MARCHF1: variants seen among roughly 807,000 people sequenced by gnomAD.
MARCHF1 encodes the protein E3 ubiquitin-protein ligase MARCHF1.
Under a neutral mutation model 54.2 loss-of-function variants are expected in MARCHF1, and 40 were observed. The observed-to-expected ratio is 0.74, with a 90% CI of 0.57 to 0.96. MARCHF1 has a LOEUF of 0.96. Among genes scored for constraint, MARCHF1 ranks in the 40% least tolerant of loss-of-function variants. The probability of loss-of-function intolerance (pLI) is 0.00; values close to 1 mark genes in which losing one functional copy is unlikely to be tolerated. For synonymous variants in MARCHF1, 236 were observed against 236.3 expected (o/e 1.00, Z 0.01); for missense variants, 586 against 656.5 (o/e 0.89, Z 1.17).
intron 4 of MARCHF1, among the ~76,000 whole-genome samples, chr4:163,756,002 A>G (rs557816721): frequency 6.6e-6 from 1 of 152,188 alleles, no homozygotes; most frequent in African/African-American, 2.4e-5. Context: ...ATTTTATTCT[A>G]TTATATAATT....
chr4:164,199,338 T>A (rs1004077345), intron 1 of MARCHF1, among the ~76,000 whole-genome samples: 4 of 152,156 alleles, frequency 2.6e-5, no homozygotes, highest in African/African-American at 9.7e-5. Flanking sequence ...TCTACCACAC[T>A]GACATCAAAA....
At chr4:164,135,952 A>C (rs1344814012) in intron 1 of MARCHF1, among the ~76,000 whole-genome samples, 1 of 152,232 alleles carries the variant, frequency 6.6e-6, no homozygotes, top group Admixed American at 6.5e-5. Flanking sequence ...TTTATACTTA[A>C]GCCCTAGAAT....
chr4:164,142,804 G>A (rs1359277225), intron 1 of MARCHF1, among the ~76,000 whole-genome samples: 2 of 152,142 alleles, frequency 1.3e-5, no homozygotes, highest in African/African-American at 4.8e-5. Context: ...CACCAGCAAT[G>A]GAACAAAGCT....
chr4:163,542,136 G>A (rs1247049837), intron 9 of MARCHF1, among the ~76,000 whole-genome samples: 1 of 152,086 alleles, frequency 6.6e-6, no homozygotes, highest in Non-Finnish European at 1.5e-5. Flanking sequence ...TTTAAGAAAC[G>A]GACCCTTGAT....
At chr4:164,012,800 C>A (rs769794931) in intron 2 of MARCHF1, among the ~76,000 whole-genome samples, 1 of 152,178 alleles carries the variant, frequency 6.6e-6, no homozygotes, top group South Asian at 2.1e-4. Context: ...CTATAGGAGG[C>A]GACAGGATTT....
rs771094140 is a variant in MARCHF1, at chr4:163,527,267, C to T, written c.*1481G>A. 1.7e-4 allele frequency: 26 copies of T among 151,848 alleles called. No homozygotes were observed. Among genetic ancestry groups the T allele is most frequent in the African/African-American group, 6.1e-4 (25 of 41,298 alleles). 9.4% of individuals were successfully genotyped at this position (151,848 alleles called of 1,614,324 possible). ...ACAATAATCAACTGTCAAACCTAAA[C>T]GATTAATTACTTATCACAGAATCTG... On this transcript the variant is annotated 3_prime_UTR_variant, in exon 10 of 10. Coordinates refer to ENST00000514618, the MANE Select transcript of MARCHF1 (RefSeq NM_001394959.1).
intron 5 of MARCHF1, among the ~76,000 whole-genome samples, chr4:163,688,214 A>C (rs1026857720): frequency 6.6e-6 from 1 of 152,212 alleles, no homozygotes; most frequent in Non-Finnish European, 1.5e-5. Flanking sequence ...AAAAGAAAAA[A>C]AAAGCTGAAG....
At chr4:164,295,729 C>T (rs1351941461) in intron 1 of MARCHF1, among the ~76,000 whole-genome samples, 1 of 152,096 alleles carries the variant, frequency 6.6e-6, no homozygotes, top group Non-Finnish European at 1.5e-5. Context: ...ATAAATGTCA[C>T]ATCATGATGG....
intron 5 of MARCHF1, among the ~76,000 whole-genome samples, chr4:163,643,709 T>C (rs954338924): frequency 3.3e-5 from 5 of 152,214 alleles, no homozygotes; most frequent in Admixed American, 1.3e-4. Flanking sequence ...TCCTAGGGGA[T>C]GTTTTGAATA....
intron 8 of MARCHF1, among the ~76,000 whole-genome samples, chr4:163,554,821 C>A (rs535623201): frequency 1.3e-5 from 2 of 152,240 alleles, no homozygotes; most frequent in South Asian, 2.1e-4. Flanking sequence ...TATGTTCAGT[C>A]AACTAAATGA....
chr4:164,349,599 G>C (rs113241016), intron 1 of MARCHF1, among the ~76,000 whole-genome samples: 2,494 of 152,156 alleles, frequency 0.016, 76 homozygotes, highest in African/African-American at 0.057. Context: ...TCTGGAATTA[G>C]TACAATTTTA....
intron 3 of MARCHF1, among the ~76,000 whole-genome samples, chr4:163,925,279 C>T (rs1377334594): frequency 1.3e-5 from 2 of 151,744 alleles, no homozygotes; most frequent in African/African-American, 4.8e-5. Context: ...CAGAGTAGAA[C>T]CCCAGATATG....
chr4:163,677,318 G>GT (rs5863620), intron 5 of MARCHF1, among the ~76,000 whole-genome samples: 37,748 of 152,008 alleles, frequency 0.25, 6,029 homozygotes, highest in East Asian at 0.43. Flanking sequence ...AAGTCTCTGT[G>GT]TGATTTGGTC....
At chr4:164,241,827 G>T (rs1227487438) in intron 1 of MARCHF1, among the ~76,000 whole-genome samples, 1 of 152,350 alleles carries the variant, frequency 6.6e-6, no homozygotes, top group East Asian at 1.9e-4. Context: ...AGCACAAGAG[G>T]TCAGGGAGTT....
chr4:164,359,235 T>C (rs1350352352), intron 1 of MARCHF1, among the ~76,000 whole-genome samples: 1 of 152,212 alleles, frequency 6.6e-6, no homozygotes. Flanking sequence ...ATGTGTGTGG[T>C]AGTTCTGAGA....
chr4:163,652,877 T>G (rs569750512), intron 5 of MARCHF1, among the ~76,000 whole-genome samples: 1 of 152,010 alleles, frequency 6.6e-6, no homozygotes, highest in East Asian at 1.9e-4. Context: ...GACATATTTA[T>G]TGAGCTCCAA....
At chr4:164,217,601 T>C (rs1345334412) in intron 1 of MARCHF1, among the ~76,000 whole-genome samples, 6 of 152,172 alleles carry the variant, frequency 3.9e-5, no homozygotes, top group Non-Finnish European at 7.3e-5. Context: ...TTATGACACC[T>C]TGGATGATAA....
chr4:163,949,498 G>T (rs1177847730), intron 3 of MARCHF1, among the ~76,000 whole-genome samples: 1 of 152,216 alleles, frequency 6.6e-6, no homozygotes, highest in Admixed American at 6.5e-5. Context: ...GTGTCAGCTC[G>T]TTTGTGTTAC....
intron 4 of MARCHF1, among the ~76,000 whole-genome samples, chr4:163,718,231 A>T (rs1396348524): frequency 6.6e-6 from 1 of 152,242 alleles, no homozygotes; most frequent in Non-Finnish European, 1.5e-5. Context: ...ACCATTCAGG[A>T]CATAGGCGTG....
Sources: gnomAD v4.1 joint callset for allele counts (sites outside exome capture counted in the v4.1 genomes callset) on GRCh38, gnomAD v4.1.1 for gene constraint, MANE v1.5 for transcripts, NCBI Gene and HGNC (gene_info 2026-07-23, HGNC 2026-07-21) for gene names.